PDS5B: variants seen among roughly 807,000 people sequenced by gnomAD.
PDS5B encodes the protein sister chromatid cohesion protein PDS5 homolog B.
Under a neutral mutation model 184.1 loss-of-function variants are expected in PDS5B, and 51 were observed. The observed-to-expected ratio is 0.28, with a 90% CI of 0.22 to 0.35. The LOEUF (loss-of-function observed/expected upper bound fraction) is 0.35. PDS5B is among the 10% of genes least tolerant of loss of function. PDS5B has a pLI of 1.00. For synonymous variants in PDS5B, 566 were observed against 569.2 expected, an observed-to-expected ratio of 0.99 and a Z score of 0.08; for missense variants, 1,180 against 1,723.3, an observed-to-expected ratio of 0.68 and a Z score of 5.58.
chr13:32,635,021 T>TTTTTG (rs1491186944), intron 1 of PDS5B, among the ~76,000 whole-genome samples: 2 of 123,268 alleles, frequency 1.6e-5, no homozygotes, highest in Non-Finnish European at 3.7e-5. Context: ...TTTTTTTTTT[T>TTTTTG]TAAAGAGGCC....
At chr13:32,630,361 C>T (rs934173629) in intron 1 of PDS5B, among the ~76,000 whole-genome samples, 2 of 152,114 alleles carry the variant, frequency 1.3e-5, no homozygotes, top group Non-Finnish European at 1.5e-5. Flanking sequence ...TGTCTGGAGA[C>T]ATTTTTGGTT....
intron 24 of PDS5B, among the ~76,000 whole-genome samples, chr13:32,751,840 G>A (rs193109171): frequency 1.3e-5 from 2 of 152,258 alleles, no homozygotes; most frequent in East Asian, 3.9e-4. Flanking sequence ...TTCTTTTGCT[G>A]TGCAGAAGCT....
chr13:32,606,188 T>C (rs547185843), intron 1 of PDS5B, among the ~76,000 whole-genome samples: 1 of 152,368 alleles, frequency 6.6e-6, no homozygotes, highest in East Asian at 1.9e-4. Context: ...TTGGCATGTT[T>C]TTGCAGTGGC....
chr13:32,772,440 G>A (rs1364072355), intron 33 of PDS5B, among the ~76,000 whole-genome samples: 4 of 152,128 alleles, frequency 2.6e-5, no homozygotes, highest in Non-Finnish European at 5.9e-5. Context: ...GTAACAATGA[G>A]TTGATATCTT....
intron 19 of PDS5B, among the ~76,000 whole-genome samples, chr13:32,712,670 A>G (rs1202059277): frequency 6.6e-6 from 1 of 152,202 alleles, no homozygotes; most frequent in Admixed American, 6.5e-5. Context: ...AGTGTACTGT[A>G]AGTGTCCTAT....
intron 19 of PDS5B, among the ~76,000 whole-genome samples, chr13:32,727,537 T>G (rs1231643409): frequency 6.6e-6 from 1 of 152,098 alleles, no homozygotes; most frequent in Non-Finnish European, 1.5e-5. Flanking sequence ...AAAGTCTTTA[T>G]TTTTCCCTCA....
chr13:32,594,559 A>G (rs1483560768), intron 1 of PDS5B, among the ~76,000 whole-genome samples: 1 of 152,228 alleles, frequency 6.6e-6, no homozygotes, highest in Admixed American at 6.5e-5. Context: ...TAGTCATGTT[A>G]CTCTGAGAGT....
At chr13:32,693,248 A>G (rs1951605496) in intron 13 of PDS5B, among the ~76,000 whole-genome samples, 1 of 152,024 alleles carries the variant, frequency 6.6e-6, no homozygotes. Flanking sequence ...AAATTAGTAA[A>G]GTATAGCTAT....
chr13:32,635,227 G>T (rs1256083752), intron 1 of PDS5B, among the ~76,000 whole-genome samples: 1 of 119,598 alleles, frequency 8.4e-6, no homozygotes, highest in African/African-American at 3.2e-5. Flanking sequence ...TGGAGATGGG[G>T]GGGTCTCACT....
intron 19 of PDS5B, among the ~76,000 whole-genome samples, chr13:32,721,893 G>C (rs1228517420): frequency 1.3e-5 from 2 of 151,204 alleles, no homozygotes; most frequent in Admixed American, 6.6e-5. Context: ...GGGCAGAGGG[G>C]CTCCTCACAT....
In PDS5B at chr13:32,741,158, G is replaced by A. The variant is rs2140972122; in HGVS notation, c.2475+10G>A. The A allele has an allele frequency of 1.4e-6, 2 of 1,388,252 alleles. No individual in the cohort carries two copies. The highest frequency in any genetic ancestry group is 2.0e-6 in the Non-Finnish European group (2 of 986,256). 86.0% of individuals were successfully genotyped at this position (1,388,252 alleles called of 1,614,324 possible). A position where few individuals can be genotyped will look rare whatever the true frequency, so the allele number is the denominator to read the frequency against. On this transcript the variant is annotated intron_variant, in intron 22 of 34. Transcript: ENST00000315596. ...TGAGACAATGGTCAAAGTGAGTAAT[G>A]TGCATAGATCTATTGATTTTAATAT...
At chr13:32,589,712 G>A (rs1363760782) in intron 1 of PDS5B, among the ~76,000 whole-genome samples, 1 of 152,098 alleles carries the variant, frequency 6.6e-6, no homozygotes, top group Admixed American at 6.6e-5. Context: ...CTTGGTTTTC[G>A]TATTCCTGTT....
intron 10 of PDS5B, among the ~76,000 whole-genome samples, chr13:32,682,896 T>TC (rs1468964242): frequency 4.6e-5 from 7 of 152,362 alleles, no homozygotes; most frequent in African/African-American, 1.4e-4. Flanking sequence ...TTGGGTTTCA[T>TC]CCTTTTCCTT....
intron 30 of PDS5B, 67 bp downstream of exon 30, chr13:32,760,787 A>G (rs1375242994): frequency 7.1e-7 from 1 of 1,412,580 alleles, no homozygotes; most frequent in Non-Finnish European, 9.7e-7. Context: ...ATCTGAAATA[A>G]TATAATCCAA....
At chr13:32,604,803 A>C (rs1256699935) in intron 1 of PDS5B, among the ~76,000 whole-genome samples, 2 of 152,072 alleles carry the variant, frequency 1.3e-5, no homozygotes, top group Non-Finnish European at 2.9e-5. Context: ...TAGTCTTGGG[A>C]GGGTGTATGT....
intron 11 of PDS5B, among the ~76,000 whole-genome samples, chr13:32,686,633 A>G (rs1456925130): frequency 1.3e-5 from 2 of 152,120 alleles, no homozygotes; most frequent in African/African-American, 4.8e-5. Flanking sequence ...CAAAAATAAA[A>G]AATTAGCTAG....
Position 32,699,804 on chromosome 13 carries a change from A to G in PDS5B, c.1675A>G (p.Ile559Val). 1 of 1,583,884 alleles carries G rather than the reference A, an allele frequency of 6.3e-7. No individual in the cohort carries two copies. The highest frequency in any genetic ancestry group is 8.6e-7 in the Non-Finnish European group (1 of 1,167,500). ...ACAGGTGTTAGAAGATGATGAGAAAATAAGAAAGCAGTTAGAAGTACTTGT... is the reference window on the plus strand; with the variant it reads ...ACAGGTGTTAGAAGATGATGAGAAAGTAAGAAAGCAGTTAGAAGTACTTGT... ...FTQVLEDDEK[I>V]RKQLEVLVSP... The change falls in exon 16 of 35, where the codon ATA (isoleucine) becomes GTA (valine). Residue 559 changes from isoleucine to valine, a missense_variant. By Grantham distance (29) the Ile-to-Val change is conservative. Coordinates refer to ENST00000315596, the MANE Select transcript of PDS5B (RefSeq NM_015032.4).
chr13:32,739,004 G>A (rs150813424), intron 21 of PDS5B, among the ~76,000 whole-genome samples: 1 of 152,122 alleles, frequency 6.6e-6, no homozygotes, highest in East Asian at 1.9e-4. Context: ...TAATGTAGCT[G>A]TATTTATCAT....
intron 31 of PDS5B, among the ~76,000 whole-genome samples, chr13:32,769,070 C>T (rs1954688800): frequency 1.3e-5 from 2 of 151,576 alleles, no homozygotes; most frequent in South Asian, 4.1e-4. Flanking sequence ...TTGCAGTGAG[C>T]AGAGATGGTG....
Sources: allele counts gnomAD v4.1 joint callset (sites outside exome capture counted in the v4.1 genomes callset), GRCh38; gene constraint gnomAD v4.1.1; transcripts MANE v1.5; gene names NCBI Gene and HGNC (gene_info 2026-07-23, HGNC 2026-07-21).